The following KLHL13 variants were observed in gnomAD, a reference collection of about 807,000 sequenced individuals.
KLHL13 encodes kelch-like protein 13.
In KLHL13, 10 loss-of-function variants were observed where a neutral mutation model predicts 37.1. The observed-to-expected ratio is 0.27, with a 90% CI of 0.17 to 0.46. The LOEUF is 0.46. Among genes scored for constraint, KLHL13 ranks in the 20% least tolerant of loss-of-function variants. The probability of loss-of-function intolerance (pLI) is 1.00; values close to 1 mark genes in which losing one functional copy is unlikely to be tolerated. For missense variants in KLHL13, 360 were observed against 509.3 expected (o/e 0.71, Z 2.82); for synonymous variants, 163 against 181.2 (o/e 0.90, Z 0.81).
chrX:118,056,510 G>A (rs2148083747), intron 1 of KLHL13, among the ~76,000 whole-genome samples: 1 of 111,839 alleles, frequency 8.9e-6, no homozygotes, highest in East Asian at 2.8e-4. Context: ...AGTGGCTATT[G>A]TATCGGACAG....
intron 1 of KLHL13, among the ~76,000 whole-genome samples, chrX:118,116,307 G>T (rs1186962448): frequency 2.7e-5 from 3 of 112,424 alleles, no homozygotes; most frequent in Admixed American, 9.3e-5. Flanking sequence ...AGAAAGGGAT[G>T]CGAAGGTGTA....
intron 2 of KLHL13, among the ~76,000 whole-genome samples, chrX:117,931,275 G>A (rs1399845542): frequency 1.8e-5 from 2 of 111,964 alleles, no homozygotes; most frequent in African/African-American, 3.2e-5. Flanking sequence ...ATCAACTAGA[G>A]GCCCACATAG....
chrX:118,084,050 T>C (rs1477104537), intron 1 of KLHL13, among the ~76,000 whole-genome samples: 1 of 111,485 alleles, frequency 9.0e-6, no homozygotes, highest in Non-Finnish European at 1.9e-5. Context: ...GTTGTTGTAG[T>C]GGCTCATGCC....
At chrX:118,016,516 T>G (rs2054130003) in intron 1 of KLHL13, among the ~76,000 whole-genome samples, 1 of 111,864 alleles carries the variant, frequency 8.9e-6, no homozygotes, top group Admixed American at 9.5e-5. Flanking sequence ...ATGGTACAAC[T>G]TCTACAGGTA....
chrX:117,899,434 T>C (rs201025398), intron 6 of KLHL13, 39 bp from the exon 8 acceptor site: 640 of 1,104,952 alleles, frequency 5.8e-4, no homozygotes, highest in Non-Finnish European at 7.4e-4. Flanking sequence ...TAAATAATTA[T>C]AGAAATGCAA....
chrX:117,978,793 CTT>C lies in KLHL13; in HGVS notation c.-55-33220_-55-33219del, dbSNP rs35977053. 3.1e-3 allele frequency among the ~76,000 whole-genome samples: 256 copies of C among 83,614 alleles called. 1 individual carries two copies. The highest frequency in any genetic ancestry group is 4.7e-3 in the Non-Finnish European group (201 of 42,323). 72.6% of individuals were successfully genotyped at this position (83,614 alleles called of 115,157 possible). A position where few individuals can be genotyped will look rare whatever the true frequency, so the allele number is the denominator to read the frequency against. On this transcript the variant is annotated intron_variant, in intron 1 of 6. Coordinates refer to the KLHL13 transcript ENST00000371882. The stretch of plus-strand genomic sequence containing the variant: ...ACTATCTATACTCTTTATGGCTTTT[CTT>C]TTTTTTTTTTTTTCTACCCGTGTAT...
At chrX:118,032,621 TAAAACCACAA>T (rs1277330638) in intron 1 of KLHL13, among the ~76,000 whole-genome samples, 2 of 110,805 alleles carry the variant, frequency 1.8e-5, no homozygotes, top group African/African-American at 3.3e-5. Context: ...CAAAAGTAGA[TAAAACCACAA>T]AGATGGGGAA....
In KLHL13 at chrX:118,103,649, T is replaced by G. The variant is rs754849856; in HGVS notation, c.-56+12859A>C. Among the ~76,000 whole-genome samples, 9 of 111,352 alleles carry G rather than the reference T, an allele frequency of 8.1e-5. No homozygotes were observed. The South Asian group carries it at 3.4e-3, about 42-fold the overall frequency. On this transcript the variant is annotated intron_variant, in intron 1 of 6. Transcript: ENST00000371882. ...ATGTCTGAAGGTCATTTTTTAATAATAGAAAGGAAATAGTAATTATTTAGT... is the reference window on the plus strand; with the variant it reads ...ATGTCTGAAGGTCATTTTTTAATAAGAGAAAGGAAATAGTAATTATTTAGT...
chrX:117,898,574 T>G (rs1359465961), exon 7 of KLHL13: 1 of 164,659 alleles, frequency 6.1e-6, no homozygotes, highest in Admixed American at 7.4e-5. Context: ...CAACTTGGCT[T>G]ATTGGGTTTA....
rs923945057 is a variant in KLHL13, at chrX:118,042,479, C to A, written c.-56+74029G>T. ...GCCACAAAACAAGTATTAAAACATT[C>A]AAAAAAATTGAAGTTACATCAAGCA... On this transcript the variant is annotated intron_variant, in intron 1 of 6. Transcript: ENST00000371882. 5.4e-5 allele frequency among the ~76,000 whole-genome samples: 6 copies of A among 111,441 alleles called. No homozygotes were observed. The Admixed American group carries it at 5.7e-4, about 11-fold the overall frequency.
chrX:117,912,355 G>T (rs1773290720), intron 4 of KLHL13, among the ~76,000 whole-genome samples: 1 of 111,701 alleles, frequency 9.0e-6, no homozygotes, highest in Non-Finnish European at 1.9e-5. Context: ...ACTACCAGTT[G>T]CCAGTCACCA....
At chrX:118,069,626 C>A (rs187918322) in intron 1 of KLHL13, among the ~76,000 whole-genome samples, 2 of 109,721 alleles carry the variant, frequency 1.8e-5, no homozygotes, top group Admixed American at 1.9e-4. Flanking sequence ...TATATATGTA[C>A]GGATATAAAA....
chrX:117,955,550 T>G (rs1249836862), intron 1 of KLHL13, among the ~76,000 whole-genome samples: 2 of 111,223 alleles, frequency 1.8e-5, no homozygotes, highest in African/African-American at 6.5e-5. Flanking sequence ...ATCAAATCAG[T>G]CATACGTTTT....
intron 1 of KLHL13, among the ~76,000 whole-genome samples, chrX:117,999,974 C>A (rs1464615670): frequency 1.8e-5 from 2 of 111,845 alleles, no homozygotes; most frequent in East Asian, 5.6e-4. Context: ...TACTACATAA[C>A]TTCTTCTTTA....
rs145353464 is a variant in KLHL13 at position 118,044,896 on chromosome X, T to A, written c.-56+71612A>T. Reference sequence around the variant, plus strand: ...GCAAAAATGGACAAATGGGATCACATCAAGTTAAAAAGTTTCTACACAGCA... The same window carrying A: ...GCAAAAATGGACAAATGGGATCACAACAAGTTAAAAAGTTTCTACACAGCA... On this transcript the variant is annotated intron_variant, in intron 1 of 6. Transcript: ENST00000371882. Among the ~76,000 whole-genome samples the A allele has an allele frequency of 7.1e-3, 796 of 111,651 alleles. 7 individuals carry two copies. The highest frequency in any genetic ancestry group is 0.025 in the African/African-American group (765 of 30,723).
intron 1 of KLHL13, among the ~76,000 whole-genome samples, chrX:118,087,415 A>G (rs192683095): frequency 9.1e-6 from 1 of 109,833 alleles, no homozygotes; most frequent in African/African-American, 3.3e-5. Flanking sequence ...ACATATATAT[A>G]TCTTCTGTGA....
chrX:118,051,728 A>C (rs1408708053), intron 1 of KLHL13, among the ~76,000 whole-genome samples: 1 of 111,018 alleles, frequency 9.0e-6, no homozygotes, highest in Non-Finnish European at 1.9e-5. Flanking sequence ...TTGAATACAC[A>C]AATTCAATAC....
chrX:117,991,846 A>ACTCTCTCTCTCT (rs56373597), intron 1 of KLHL13, among the ~76,000 whole-genome samples: 4 of 63,511 alleles, frequency 6.3e-5, no homozygotes, highest in Non-Finnish European at 9.1e-5. Context: ...CTACAGTGAA[A>ACTCTCTCTCTCT]CTCTCTCTCT....
At chrX:117,944,571 G>A (rs1399097774) in intron 2 of KLHL13, among the ~76,000 whole-genome samples, 1 of 111,465 alleles carries the variant, frequency 9.0e-6, no homozygotes, top group African/African-American at 3.3e-5. Flanking sequence ...AATGGTTCTT[G>A]ATCAGGGATA....
Sources: gnomAD v4.1 joint callset for allele counts (sites outside exome capture counted in the v4.1 genomes callset) on GRCh38, gnomAD v4.1.1 for gene constraint, MANE v1.5 for transcripts, NCBI Gene and HGNC (gene_info 2026-07-23, HGNC 2026-07-21) for gene names.